The following IL6R variants were observed in gnomAD, a reference collection of about 807,000 sequenced individuals.
IL6R encodes interleukin 6 receptor.
IL6R carries 38 observed loss-of-function variants against 48.3 expected under a neutral mutation model. The observed-to-expected ratio is 0.79, with a 90% CI of 0.61 to 1.03. IL6R has a LOEUF of 1.03. Among genes scored for constraint, IL6R ranks in the 50% least tolerant of loss-of-function variants. The probability of loss-of-function intolerance (pLI) is 0.00; values close to 1 mark genes in which losing one functional copy is unlikely to be tolerated. For synonymous variants in IL6R, 264 were observed against 256.2 expected (o/e 1.03, Z -0.29); for missense variants, 534 against 618.3 (o/e 0.86, Z 1.45).
At chr1:154,438,997 C>T (rs115224285) in intron 6 of IL6R, among the ~76,000 whole-genome samples, 2,740 of 152,182 alleles carry the variant, frequency 0.018, 57 homozygotes, top group Non-Finnish European at 0.026. Flanking sequence ...CAGGGTAGAT[C>T]GTATTGACCT....
At chr1:154,429,135 C>T in intron 1 of IL6R, 61 bp from the exon 2 acceptor site, 2 of 1,562,108 alleles carry the variant, frequency 1.3e-6, no homozygotes, top group South Asian at 2.4e-5. Flanking sequence ...TTCCTCAGAC[C>T]AGAACGAAGC....
intron 6 of IL6R, among the ~76,000 whole-genome samples, chr1:154,440,653 G>GT (rs1558318808): frequency 9.0e-6 from 1 of 111,724 alleles, no homozygotes. Context: ...AATGATTAAT[G>GT]TCTTTTTTTT....
intron 1 of IL6R, among the ~76,000 whole-genome samples, chr1:154,417,586 C>CT (rs1413744173): frequency 6.6e-6 from 1 of 152,010 alleles, no homozygotes; most frequent in African/African-American, 2.4e-5. Context: ...CTTAGATATC[C>CT]TTTCTTTTTT....
intron 1 of IL6R, among the ~76,000 whole-genome samples, chr1:154,426,902 C>A (rs1313495506): frequency 6.6e-6 from 1 of 151,432 alleles, no homozygotes; most frequent in Admixed American, 6.7e-5. Flanking sequence ...GTGGACTTCA[C>A]CTTCTAGGGA....
chr1:154,435,226 G>GA, intron 5 of IL6R, 70 bp downstream of exon 5: 2 of 1,480,238 alleles, frequency 1.4e-6, no homozygotes, highest in Non-Finnish European at 1.9e-6. Flanking sequence ...AAGGGTACTA[G>GA]AGGCCAGGCA....
intron 1 of IL6R, among the ~76,000 whole-genome samples, chr1:154,415,936 G>A (rs1688319025): frequency 6.6e-6 from 1 of 152,012 alleles, no homozygotes; most frequent in South Asian, 2.1e-4. Flanking sequence ...CTGCACTCCA[G>A]CCTGGGCGAC....
At position 154,405,529 on chromosome 1, in the gene IL6R, G is replaced by GCCC; in HGVS notation, c.-100_-98dup. 2.6e-6 allele frequency: 1 copy of GCCC among 388,508 alleles called. No individual in the cohort carries two copies. The highest frequency in any genetic ancestry group is 4.7e-6 in the Non-Finnish European group (1 of 214,592). The allele number at this position is 388,508 out of a possible 1,614,324, so 24.1% of individuals were successfully genotyped here. ...CTGCCCCCGGGGCCTGAGCCCGCCT[G>GCCC]CCCGCCCACCGCCCCGCCCCGCCCC... On this transcript the variant is annotated 5_prime_UTR_variant, in exon 1 of 10. Transcript: ENST00000368485. This position sits in a 1 kb window ranked among gnomAD's most constrained non-coding sequence, Gnocchi z 5.2.
chr1:154,434,972 T>C lies in IL6R; in HGVS notation c.641-18T>C, dbSNP rs755726290. ...TATATTTGGTGCTGCAAAGGAGTCATGCTCACTTTTCCCACAGTGCAGCCT... is the reference window on the plus strand; with the variant it reads ...TATATTTGGTGCTGCAAAGGAGTCACGCTCACTTTTCCCACAGTGCAGCCT... On this transcript the variant is annotated intron_variant, in intron 4 of 9. Coordinates refer to ENST00000368485, the MANE Select transcript of IL6R (RefSeq NM_000565.4). 5.0e-6 allele frequency: 8 copies of C among 1,612,952 alleles called. No individual in the cohort carries two copies. The highest frequency in any genetic ancestry group is 5.1e-6 in the Non-Finnish European group (6 of 1,179,762).
rs536509848 is a variant in IL6R, at chr1:154,458,160, C to T, written c.1160+3579C>T. Among the ~76,000 whole-genome samples the T allele has an allele frequency of 2.6e-5, 4 of 151,832 alleles. No homozygotes were observed. In the East Asian group the frequency reaches 5.8e-4, roughly 22 times the overall value. ...TTTTTGTATTTTTTTTTAGTAGAGA[C>T]GGGGTTTCACCGTGTTAGCCAGGAT... On this transcript the variant is annotated intron_variant, in intron 9 of 9. Transcript: ENST00000368485.
intron 4 of IL6R, 55 bp downstream of exon 4, chr1:154,434,755 T>A: frequency 6.5e-7 from 1 of 1,527,856 alleles, no homozygotes; most frequent in Non-Finnish European, 9.0e-7. Flanking sequence ...GATTTAATAC[T>A]CCTTATCGAC....
chr1:154,444,952 G>A, intron 6 of IL6R: 1 of 393,768 alleles, frequency 2.5e-6, no homozygotes, highest in South Asian at 1.8e-5. Context: ...CCCCCCAAAT[G>A]AGGAAGGGTG....
chr1:154,444,883 A>G (rs968673698), intron 6 of IL6R, among the ~76,000 whole-genome samples: 2 of 152,170 alleles, frequency 1.3e-5, no homozygotes, highest in Non-Finnish European at 2.9e-5. Flanking sequence ...AGCCTGGGCA[A>G]CAGAGGGAGA....
At chr1:154,445,070 G>T (rs528973811) in intron 6 of IL6R, 1 of 456,210 alleles carries the variant, frequency 2.2e-6, no homozygotes, top group South Asian at 1.5e-5. Flanking sequence ...GACCATCCCG[G>T]GTGGCATTTG....
intron 7 of IL6R, 70 bp from the exon 8 acceptor site, chr1:154,449,841 C>A: frequency 1.0e-6 from 1 of 973,882 alleles, no homozygotes; most frequent in Non-Finnish European, 1.7e-6. Flanking sequence ...GAGGAGGTAA[C>A]TCCTGAACTG....
rs767401791 is a variant in IL6R, at chr1:154,405,689, G to A, written c.60G>A (p.Leu20=). ...AALLAAPGAA[L]APRRCPAQEV... ...TGCTGGCCGCGCCGGGAGCGGCGCT[G>A]GCCCCAAGGCGCTGCCCTGCGCAGG... Residue 20 remains leucine, a synonymous_variant, in exon 1 of 10, where the codon CTG becomes CTA. Transcript: ENST00000368485. The surrounding 1 kb of genome is among the most constrained non-coding windows in gnomAD (Gnocchi z 5.2). The A allele has an allele frequency of 1.3e-6, 2 of 1,524,704 alleles. No homozygotes were observed. Among genetic ancestry groups the A allele is most frequent in the African/African-American group, 1.4e-5 (1 of 71,758 alleles). The allele number at this position is 1,524,704 out of a possible 1,614,324, so 94.4% of individuals were successfully genotyped here. A position where few individuals can be genotyped will look rare whatever the true frequency, so the allele number is the denominator to read the frequency against.
chr1:154,423,291 A>ATATATATATATATATATATATATAT (rs1371911178), intron 1 of IL6R, among the ~76,000 whole-genome samples: 1 of 143,492 alleles, frequency 7.0e-6, no homozygotes, highest in Non-Finnish European at 1.5e-5. Flanking sequence ...ATATGTATTC[A>ATATATATATATATATATATATATAT]TTATAAGAGC....
chr1:154,406,090 C>T (rs1365164846), intron 1 of IL6R, among the ~76,000 whole-genome samples: 5 of 152,190 alleles, frequency 3.3e-5, no homozygotes, highest in Non-Finnish European at 7.3e-5. Flanking sequence ...CGAGAGGGCG[C>T]GCCCCAGCGG....
chr1:154,466,315 CTTTG>C lies in IL6R; in HGVS notation c.*942_*945del, dbSNP rs1691551231. ...TGAGATCAAAACGGTTTTACTGCAG[CTTTG>C]TTTGTTGTCAGCTGAACCTGGGTAA... On this transcript the variant is annotated 3_prime_UTR_variant, in exon 10 of 10. Coordinates refer to ENST00000368485, the MANE Select transcript of IL6R (RefSeq NM_000565.4). 1 of 152,154 alleles carries C rather than the reference CTTTG, an allele frequency of 6.6e-6. No individual in the cohort carries two copies. The highest frequency in any genetic ancestry group is 2.4e-5 in the African/African-American group (1 of 41,432). The allele number at this position is 152,154 out of a possible 1,614,324, so 9.4% of individuals were successfully genotyped here.
In IL6R at chr1:154,430,533, A is replaced by C. The variant is rs774991948; in HGVS notation, c.385A>C (p.Asn129His). 1.2e-5 allele frequency: 20 copies of C among 1,613,872 alleles called. No individual in the cohort carries two copies. The highest frequency in any genetic ancestry group is 1.7e-5 in the Non-Finnish European group (20 of 1,179,970). The change falls in exon 3 of 10, where the codon AAT becomes CAT. Residue 129 changes from asparagine (N) to histidine (H), a missense_variant. Coordinates refer to ENST00000368485, the MANE Select transcript of IL6R (RefSeq NM_000565.4). ...LSCFRKSPLS[N>H]VVCEWGPRST... ...CTGCTTCCGGAAGAGCCCCCTCAGC[A>C]ATGTTGTTTGTGAGTGGGGTCCTCG...
Sources: allele counts gnomAD v4.1 joint callset (sites outside exome capture counted in the v4.1 genomes callset), GRCh38; gene constraint gnomAD v4.1.1; non-coding constraint Gnocchi (gnomAD v3.1); transcripts MANE v1.5; gene names NCBI Gene and HGNC (gene_info 2026-07-23, HGNC 2026-07-21).